The following DNAH7 variants were observed in gnomAD, a reference collection of about 807,000 sequenced individuals.
DNAH7 encodes the protein dynein axonemal heavy chain 7.
Under a neutral mutation model 444.6 loss-of-function variants are expected in DNAH7, and 397 were observed. The observed-to-expected ratio is 0.89, with a 90% CI of 0.82 to 0.97. DNAH7 has a LOEUF of 0.97. Ranked by LOEUF, DNAH7 falls within the 50% of genes least tolerant of loss-of-function variation. The pLI, the probability that DNAH7 is intolerant of heterozygous loss-of-function variation, is 0.00. For synonymous variants in DNAH7, 1,636 were observed against 1,624.4 expected, an observed-to-expected ratio of 1.01 and a Z score of -0.17; for missense variants, 4,902 against 4,800.8, an observed-to-expected ratio of 1.02 and a Z score of -0.62.
intron 2 of DNAH7, 80 bp downstream of exon 2, chr2:196,057,974 T>C (rs1216815171): frequency 8.7e-7 from 1 of 1,151,558 alleles, no homozygotes; most frequent in African/African-American, 1.6e-5. Flanking sequence ...AGAAATTCAG[T>C]AACTTACTTT....
chr2:195,972,701 G>T (rs1046682590), intron 15 of DNAH7, among the ~76,000 whole-genome samples: 3 of 152,178 alleles, frequency 2.0e-5, no homozygotes, highest in African/African-American at 4.8e-5. Flanking sequence ...TGGAAAACCA[G>T]GGAGGAGTGC....
chr2:195,875,432 A>G (rs78083216), intron 38 of DNAH7, among the ~76,000 whole-genome samples: 1 of 152,108 alleles, frequency 6.6e-6, no homozygotes, highest in African/African-American at 2.4e-5. Context: ...AAGGTGGGAG[A>G]AAAAAGTTCC....
intron 3 of DNAH7, among the ~76,000 whole-genome samples, chr2:196,049,842 C>T (rs1039057949): frequency 3.9e-5 from 6 of 152,174 alleles, no homozygotes; most frequent in African/African-American, 1.2e-4. Flanking sequence ...TATATTTCTA[C>T]ATCTGTAAAC....
rs372599314 is a variant in DNAH7 at position 196,043,658 on chromosome 2, T to C, written c.398+3694A>G. ...AGTGGGAGAATAAATTCGCAAACTA[T>C]GCATCTGACAGAGGACTAATACCCA... On this transcript the variant is annotated intron_variant, in intron 5 of 64. Transcript: ENST00000312428. Among the ~76,000 whole-genome samples, 26 of 151,798 alleles carry C rather than the reference T, an allele frequency of 1.7e-4. 1 individual carries two copies. The South Asian group carries it at 3.9e-3, about 23-fold the overall frequency.
At chr2:195,853,233 T>G (rs1201036421) in intron 46 of DNAH7, 110 bp downstream of exon 46, 1 of 913,602 alleles carries the variant, frequency 1.1e-6, no homozygotes, top group African/African-American at 1.7e-5. Flanking sequence ...AAAAATACCT[T>G]CCTCCTTGTA....
chr2:195,941,090 C>T (rs759655193), intron 19 of DNAH7, among the ~76,000 whole-genome samples: 15 of 152,006 alleles, frequency 9.9e-5, no homozygotes, highest in Non-Finnish European at 1.6e-4. Flanking sequence ...TATTGCGGTA[C>T]TATTCACAAT....
Position 195,934,797 on chromosome 2 carries a change from G to A in DNAH7, c.3273-8C>T, listed in dbSNP as rs765640803. The A allele has an allele frequency of 3.7e-6, 6 of 1,613,584 alleles. No homozygotes were observed. Among genetic ancestry groups the A allele is most frequent in the Non-Finnish European group, 5.1e-6 (6 of 1,179,818 alleles). On this transcript the variant is annotated splice_polypyrimidine_tract_variant and splice_region_variant and intron_variant, in intron 20 of 64. Transcript: ENST00000312428. ...TTCAAGTGAGGTTGCACCCTGTCAG[G>A]AAAAACATTTTTAAGATAATTAACC...
At chr2:195,755,908 G>A (rs1574379529) in intron 62 of DNAH7, among the ~76,000 whole-genome samples, 1 of 152,270 alleles carries the variant, frequency 6.6e-6, no homozygotes, top group East Asian at 1.9e-4. Context: ...TAAATACCTA[G>A]TGGAAAAACC....
chr2:195,957,406 T>C lies in DNAH7; in HGVS notation c.2933A>G (p.Asp978Gly), dbSNP rs1247818662. ...CGTGGCTTGGACTTTGAGCCATTCA[T>C]CCAGAATCTCCTGAAGCAGTAGGAG... ...GKLLLLQEIL[D>G]EWLKVQATWL... Residue 978 changes from aspartate (D) to glycine (G), a missense_variant, in exon 19 of 65, where the codon GAT (aspartate) becomes GGT (glycine). Coordinates refer to ENST00000312428, the MANE Select transcript of DNAH7 (RefSeq NM_018897.3). The C allele has an allele frequency of 1.3e-6, 2 of 1,595,542 alleles. No individual in the cohort carries two copies. The highest frequency in any genetic ancestry group is 1.7e-5 in the Admixed American group (1 of 59,312).
chr2:196,015,828 A>G (rs752195475), intron 9 of DNAH7, among the ~76,000 whole-genome samples: 1 of 152,206 alleles, frequency 6.6e-6, no homozygotes, highest in African/African-American at 2.4e-5. Context: ...AATGCTGGCT[A>G]CTACTCAGAG....
At chr2:195,826,942 A>G (rs529266183) in intron 48 of DNAH7, among the ~76,000 whole-genome samples, 2 of 148,260 alleles carry the variant, frequency 1.3e-5, no homozygotes, top group Admixed American at 6.7e-5. Context: ...CAACCATTAG[A>G]AAAAAAAAAG....
chr2:195,942,486 G>A (rs1689523841), intron 19 of DNAH7, among the ~76,000 whole-genome samples: 1 of 151,680 alleles, frequency 6.6e-6, no homozygotes, highest in Non-Finnish European at 1.5e-5. Context: ...GAGGAAGGAG[G>A]AAGAAGAGGA....
intron 17 of DNAH7, among the ~76,000 whole-genome samples, chr2:195,968,851 C>G (rs1691654982): frequency 6.6e-6 from 1 of 152,208 alleles, no homozygotes; most frequent in African/African-American, 2.4e-5. Context: ...CAAATGCTCT[C>G]TGTGTGGGTA....
At chr2:195,981,853 T>C (rs545674369) in intron 15 of DNAH7, among the ~76,000 whole-genome samples, 3 of 152,254 alleles carry the variant, frequency 2.0e-5, no homozygotes, top group South Asian at 2.1e-4. Flanking sequence ...CCTCAAACTA[T>C]GAAACTGCCA....
intron 47 of DNAH7, among the ~76,000 whole-genome samples, chr2:195,843,416 T>A (rs1425986291): frequency 6.6e-6 from 1 of 152,210 alleles, no homozygotes; most frequent in East Asian, 1.9e-4. Flanking sequence ...TTAGTGATTT[T>A]TTCTCTAAAT....
At chr2:195,916,295 A>G (rs924624543) in intron 24 of DNAH7, among the ~76,000 whole-genome samples, 2 of 152,206 alleles carry the variant, frequency 1.3e-5, no homozygotes, top group African/African-American at 4.8e-5. Flanking sequence ...AATTGGACTC[A>G]TAAAGGTAAA....
chr2:195,979,051 C>CA (rs1156417702), intron 15 of DNAH7, among the ~76,000 whole-genome samples: 3 of 151,768 alleles, frequency 2.0e-5, no homozygotes, highest in East Asian at 1.9e-4. Flanking sequence ...ATATGTCATA[C>CA]AAAAAAAGAT....
intron 61 of DNAH7, among the ~76,000 whole-genome samples, chr2:195,761,669 A>G (rs1264960606): frequency 6.6e-6 from 1 of 152,168 alleles, no homozygotes; most frequent in Admixed American, 6.5e-5. Context: ...GCCATGAGAA[A>G]GTGGCATGGC....
chr2:195,939,211 G>A (rs192100877), intron 19 of DNAH7, among the ~76,000 whole-genome samples: 257 of 152,236 alleles, frequency 1.7e-3, no homozygotes, highest in African/African-American at 5.9e-3. Context: ...GTTAGAAAGA[G>A]TGCAGGTGGG....
Sources: allele counts gnomAD v4.1 joint callset (sites outside exome capture counted in the v4.1 genomes callset), GRCh38; gene constraint gnomAD v4.1.1; transcripts MANE v1.5; gene names NCBI Gene and HGNC (gene_info 2026-07-23, HGNC 2026-07-21).